Variants in OR51E1 observed in about 807,000 individuals in gnomAD.
OR51E1 encodes the protein olfactory receptor 51E1.
A neutral mutation model predicts 11.5 loss-of-function variants in OR51E1; 9 were observed. The ratio of observed to expected loss-of-function variants is 0.78; its 90% CI spans 0.47 to 1.37. The LOEUF is 1.37. OR51E1 is among the 40% of genes most tolerant of loss of function. OR51E1 has a pLI of 0.00. For synonymous variants in OR51E1, 168 were observed against 158.3 expected (o/e 1.06, Z -0.46); for missense variants, 397 against 410.2 (o/e 0.97, Z 0.28).
chr11:4,650,371 G>C (rs758416476), intron 1 of OR51E1, among the ~76,000 whole-genome samples: 11 of 152,224 alleles, frequency 7.2e-5, no homozygotes, highest in Non-Finnish European at 1.6e-4. Flanking sequence ...GGAGGAAAGT[G>C]CTCCTGGTGC....
chr11:4,644,095 T>G (rs1215355476), intron 1 of OR51E1, 65 bp downstream of exon 1: 1 of 152,896 alleles, frequency 6.5e-6, no homozygotes, highest in Non-Finnish European at 1.5e-5. Context: ...GGTCTCCTGT[T>G]AGACTTGCTG....
At chr11:4,648,987 A>G (rs1847062185) in intron 1 of OR51E1, among the ~76,000 whole-genome samples, 2 of 152,130 alleles carry the variant, frequency 1.3e-5, no homozygotes, top group Non-Finnish European at 2.9e-5. Flanking sequence ...ATCCTTCTCA[A>G]AAGTCTCTCT....
Position 4,652,581 on chromosome 11 carries a change from G to A in OR51E1, c.55G>A (p.Gly19Ser), listed in dbSNP as rs1411817755. ...CAGTGCTACATACTTCATCCTAATA[G>A]GCCTCCCTGGTTTAGAAGAGGCTCA... ...ESSATYFILI[G>S]LPGLEEAQFW... Residue 19 changes from glycine (G) to serine (S), a missense_variant, in exon 2 of 2, where the codon GGC becomes AGC. Transcript: ENST00000396952. 8.1e-6 allele frequency: 13 copies of A among 1,614,046 alleles called. 1 individual carries two copies. In the South Asian group the frequency reaches 9.9e-5, roughly 12 times the overall value.
chr11:4,644,701 G>A (rs1316386110), intron 1 of OR51E1, among the ~76,000 whole-genome samples: 2 of 152,136 alleles, frequency 1.3e-5, no homozygotes, highest in Admixed American at 1.3e-4. Flanking sequence ...AACAAGGTCT[G>A]TTCTCTTTCT....
chr11:4,646,942 G>C (rs1463757744), intron 1 of OR51E1, among the ~76,000 whole-genome samples: 1 of 152,072 alleles, frequency 6.6e-6, no homozygotes, highest in Non-Finnish European at 1.5e-5. Flanking sequence ...TTAATGTCTT[G>C]GAGCCTCAGT....
At position 4,653,221 on chromosome 11, in the gene OR51E1, C is replaced by A; in HGVS notation, c.695C>A (p.Thr232Lys). Residue 232 changes from threonine (T) to lysine (K), a missense_variant, in exon 2 of 2, where the codon ACA (threonine) becomes AAA (lysine). By Grantham distance (78) the Thr-to-Lys change is moderately conservative (BLOSUM62 -1). Coordinates refer to ENST00000396952, the MANE Select transcript of OR51E1 (RefSeq NM_152430.4). ...LLILKTVLGL[T>K]REAQAKAFGT... ...ATTCTTAAGACTGTGTTGGGCTTGACACGTGAAGCCCAGGCCAAGGCATTT... is the reference window on the plus strand; with the variant it reads ...ATTCTTAAGACTGTGTTGGGCTTGAAACGTGAAGCCCAGGCCAAGGCATTT... 1.2e-6 allele frequency: 2 copies of A among 1,614,048 alleles called. No individual in the cohort carries two copies. Among genetic ancestry groups the A allele is most frequent in the Non-Finnish European group, 1.7e-6 (2 of 1,179,896 alleles).
At chr11:4,648,012 G>A (rs369307668) in intron 1 of OR51E1, among the ~76,000 whole-genome samples, 20 of 152,252 alleles carry the variant, frequency 1.3e-4, no homozygotes, top group African/African-American at 2.2e-4. Context: ...TGCCTGTCTC[G>A]TGGAGGGACT....
At position 4,643,985 on chromosome 11, in the gene OR51E1, G is replaced by A. The variant is rs1846997851; in HGVS notation, c.-85G>A. 6.5e-6 allele frequency: 1 copy of A among 153,010 alleles called. No individual in the cohort carries two copies. Among genetic ancestry groups the A allele is most frequent in the African/African-American group, 2.4e-5 (1 of 41,462 alleles). 9.5% of individuals were successfully genotyped at this position (153,010 alleles called of 1,614,324 possible). ...TGCAGCCTGCCAGACCTCTTCTGGA[G>A]GAAGACTGGACAAAGGGGGTCACAC... On this transcript the variant is annotated 5_prime_UTR_variant, in exon 1 of 2. Transcript: ENST00000396952.
Position 4,652,647 on chromosome 11 carries a change from G to T in OR51E1, c.121G>T (p.Ala41Ser), listed in dbSNP as rs750410182. ...AFPLCSLYLI[A>S]VLGNLTIIYI... is the part of the protein sequence containing the mutation. Reference sequence around the variant, plus strand: ...CCCATTGTGCTCCCTCTACCTTATTGCTGTGCTAGGTAACTTGACAATCAT... The same window carrying T: ...CCCATTGTGCTCCCTCTACCTTATTTCTGTGCTAGGTAACTTGACAATCAT... The change falls in exon 2 of 2, where the codon GCT becomes TCT. Residue 41 changes from alanine (A) to serine (S), a missense_variant. Physicochemically the swap from Ala to Ser is moderately conservative, Grantham distance 99. Coordinates refer to ENST00000396952, the MANE Select transcript of OR51E1 (RefSeq NM_152430.4). The T allele has an allele frequency of 6.2e-7, 1 of 1,614,020 alleles. No homozygotes were observed. Among genetic ancestry groups the T allele is most frequent in the South Asian group, 1.1e-5 (1 of 91,076 alleles).
At chr11:4,645,293 C>T (rs533569559) in intron 1 of OR51E1, among the ~76,000 whole-genome samples, 1 of 152,230 alleles carries the variant, frequency 6.6e-6, no homozygotes, top group South Asian at 2.1e-4. Context: ...GCTGCTGTGC[C>T]CCACCCCATT....
intron 1 of OR51E1, among the ~76,000 whole-genome samples, chr11:4,648,086 G>C (rs1007435216): frequency 6.6e-6 from 1 of 152,128 alleles, no homozygotes; most frequent in Admixed American, 6.5e-5. Flanking sequence ...TCTCTGGCTG[G>C]CTCCTTCTCC....
In OR51E1 at chr11:4,653,430, C is replaced by T. The variant is rs766589551; in HGVS notation, c.904C>T (p.Arg302Ter). The change falls in exon 2 of 2, where the codon CGA (arginine) becomes TGA (stop). Residue 302 changes from arginine (R) to a stop codon, truncating the protein, a stop_gained. Coordinates refer to ENST00000396952, the MANE Select transcript of OR51E1 (RefSeq NM_152430.4). LOFTEE classifies it high-confidence loss of function. The part of the protein sequence containing the change: ...IVYGVKTKEI[R>*]QRILRLFHVA... Reference sequence around the variant, plus strand: ...CTATGGAGTGAAGACAAAGGAGATTCGACAGCGCATCCTTCGACTTTTCCA... The same window carrying T: ...CTATGGAGTGAAGACAAAGGAGATTTGACAGCGCATCCTTCGACTTTTCCA... 25 of 1,613,878 alleles carry T rather than the reference C, an allele frequency of 1.5e-5. No homozygotes were observed. The East Asian group carries it at 2.5e-4, about 16-fold the overall frequency.
Position 4,652,697 on chromosome 11 carries a change from C to A in OR51E1, c.171C>A (p.Ser57Arg). The A allele has an allele frequency of 6.2e-7, 1 of 1,614,072 alleles. No individual in the cohort carries two copies. The highest frequency in any genetic ancestry group is 8.5e-7 in the Non-Finnish European group (1 of 1,179,964). The change falls in exon 2 of 2, where the codon AGC becomes AGA. Residue 57 changes from serine to arginine, a missense_variant. Coordinates refer to ENST00000396952, the MANE Select transcript of OR51E1 (RefSeq NM_152430.4). Reference protein sequence around the residue: ...TIIYIVRTEHSLHEPMYIFLC... With the variant: ...TIIYIVRTEHRLHEPMYIFLC... Reference sequence around the variant, plus strand: ...TCTACATTGTGCGGACTGAGCACAGCCTGCATGAGCCCATGTATATATTTC... The same window carrying A: ...TCTACATTGTGCGGACTGAGCACAGACTGCATGAGCCCATGTATATATTTC...
At chr11:4,649,115 CAATT>C (rs1331560904) in intron 1 of OR51E1, among the ~76,000 whole-genome samples, 1 of 152,044 alleles carries the variant, frequency 6.6e-6, no homozygotes, top group Non-Finnish European at 1.5e-5. Context: ...ATTAACTAAA[CAATT>C]AATAAATATA....
chr11:4,653,266 T>C lies in OR51E1; in HGVS notation c.740T>C (p.Val247Ala), dbSNP rs754916734. Residue 247 changes from valine (V) to alanine (A), a missense_variant, in exon 2 of 2, where the codon GTG (valine) becomes GCG (alanine). By Grantham distance (64) the Val-to-Ala change is moderately conservative (BLOSUM62 0). Transcript: ENST00000396952. ...AKAFGTCVSH[V>A]CAVFIFYVPF... ...GCATTTGGCACTTGCGTCTCTCATG[T>C]GTGTGCTGTGTTCATATTCTATGTA... 1 of 1,614,176 alleles carries C rather than the reference T, an allele frequency of 6.2e-7. No individual in the cohort carries two copies. The highest frequency in any genetic ancestry group is 8.5e-7 in the Non-Finnish European group (1 of 1,180,008).
At chr11:4,651,657 G>T (rs1847100236) in intron 1 of OR51E1, among the ~76,000 whole-genome samples, 1 of 152,328 alleles carries the variant, frequency 6.6e-6, no homozygotes, top group Middle Eastern at 3.4e-3. Context: ...GCTCAGTGCA[G>T]ATGGGAGATG....
At chr11:4,645,966 TA>T (rs1162291400) in intron 1 of OR51E1, among the ~76,000 whole-genome samples, 1 of 152,178 alleles carries the variant, frequency 6.6e-6, no homozygotes, top group East Asian at 1.9e-4. Context: ...TGGATGCAGA[TA>T]ATTTGAGTGG....
chr11:4,652,677 A>G lies in OR51E1; in HGVS notation c.151A>G (p.Ile51Val), dbSNP rs771644040. The G allele has an allele frequency of 3.1e-6, 5 of 1,614,090 alleles. No homozygotes were observed. The highest frequency in any genetic ancestry group is 1.7e-6 in the Non-Finnish European group (2 of 1,179,986). Residue 51 changes from isoleucine (I) to valine (V), a missense_variant, in exon 2 of 2, where the codon ATT becomes GTT. Transcript: ENST00000396952. ...AVLGNLTIIY[I>V]VRTEHSLHEP... ...GCTAGGTAACTTGACAATCATCTAC[A>G]TTGTGCGGACTGAGCACAGCCTGCA...
chr11:4,644,669 C>G (rs1434010064), intron 1 of OR51E1, among the ~76,000 whole-genome samples: 1 of 152,146 alleles, frequency 6.6e-6, no homozygotes, highest in African/African-American at 2.4e-5. Context: ...CCTAGCTACA[C>G]TAAGTCACTT....
Sources: gnomAD v4.1 joint callset for allele counts (sites outside exome capture counted in the v4.1 genomes callset) on GRCh38, gnomAD v4.1.1 for gene constraint, MANE v1.5 for transcripts, NCBI Gene and HGNC (gene_info 2026-07-23, HGNC 2026-07-21) for gene names.